GLIS3: variants seen among roughly 807,000 people sequenced by gnomAD.
GLIS3 encodes the protein zinc finger protein GLIS3.
In GLIS3, 53 loss-of-function variants were observed where a neutral mutation model predicts 78.6. That is an observed-to-expected ratio of 0.67 (90% CI 0.54 to 0.85). The LOEUF is 0.85. GLIS3 is among the 40% of genes least tolerant of loss of function. The probability of loss-of-function intolerance (pLI) is 0.00; values close to 1 mark genes in which losing one functional copy is unlikely to be tolerated. For synonymous variants in GLIS3, 684 were observed against 509.9 expected (o/e 1.34, Z -4.60); for missense variants, 1,703 against 1,231.1 (o/e 1.38, Z -5.74).
intron 4 of GLIS3, among the ~76,000 whole-genome samples, chr9:4,003,667 G>A (rs1197439495): frequency 6.6e-6 from 1 of 152,170 alleles, no homozygotes; most frequent in African/African-American, 2.4e-5. Context: ...GTAGCTCAAA[G>A]AATTGCTAAA....
intron 4 of GLIS3, among the ~76,000 whole-genome samples, chr9:4,053,400 C>G (rs74872476): frequency 1.3e-5 from 2 of 152,076 alleles, no homozygotes; most frequent in African/African-American, 4.8e-5. Context: ...CTCCTCCCAC[C>G]CCAGGCACTT....
At chr9:4,474,725 C>G in the GLIS3 span, among the ~76,000 whole-genome samples, 1 of 119,336 alleles carries the variant, frequency 8.4e-6, no homozygotes, top group Non-Finnish European at 1.7e-5. Flanking sequence ...GAGATGGCGT[C>G]TTGTTCTGTC....
chr9:4,039,177 G>A (rs1407265863), intron 4 of GLIS3, among the ~76,000 whole-genome samples: 1 of 152,156 alleles, frequency 6.6e-6, no homozygotes, highest in Non-Finnish European at 1.5e-5. Context: ...ATTTCATATG[G>A]AATTTAATAG....
intron 4 of GLIS3, among the ~76,000 whole-genome samples, chr9:4,078,400 A>G (rs1828260050): frequency 7.9e-6 from 1 of 126,574 alleles, no homozygotes; most frequent in Non-Finnish European, 1.8e-5. Context: ...TTGTCTGACA[A>G]TTTCTGATCT....
intron 1 of GLIS3, among the ~76,000 whole-genome samples, chr9:4,296,210 A>G (rs752373586): frequency 1.3e-5 from 2 of 151,988 alleles, no homozygotes; most frequent in Non-Finnish European, 2.9e-5. Context: ...CCAAAGATCA[A>G]TAATTATAAT....
chr9:4,460,913 G>C, the GLIS3 span, among the ~76,000 whole-genome samples: 3 of 152,126 alleles, frequency 2.0e-5, no homozygotes, highest in Non-Finnish European at 4.4e-5. Flanking sequence ...ACTTAAGGAG[G>C]CTTATTAATT....
chr9:3,980,939 T>TC, intron 4 of GLIS3, among the ~76,000 whole-genome samples: 1 of 152,286 alleles, frequency 6.6e-6, no homozygotes, highest in Middle Eastern at 3.4e-3. Flanking sequence ...TACTACACGG[T>TC]TTCTCTCGAC....
chr9:4,352,083 G>A (rs1446359511), upstream of GLIS3, among the ~76,000 whole-genome samples: 2 of 152,200 alleles, frequency 1.3e-5, no homozygotes, highest in African/African-American at 2.4e-5. Flanking sequence ...CAGTGTTCGT[G>A]AAGACAGACT....
the GLIS3 span, among the ~76,000 whole-genome samples, chr9:4,469,060 G>C: frequency 2.8e-4 from 43 of 152,122 alleles, no homozygotes; most frequent in Non-Finnish European, 4.3e-4. Flanking sequence ...TAATGGTAAA[G>C]GGATCAATTC....
chr9:3,871,926 A>C (rs1820995227), intron 8 of GLIS3, among the ~76,000 whole-genome samples: 1 of 152,224 alleles, frequency 6.6e-6, no homozygotes, highest in Admixed American at 6.5e-5. Context: ...CAAATTTTTC[A>C]AACTTCTATG....
At chr9:4,019,624 C>A (rs1282472114) in intron 4 of GLIS3, among the ~76,000 whole-genome samples, 2 of 152,182 alleles carry the variant, frequency 1.3e-5, no homozygotes, top group South Asian at 4.2e-4. Context: ...TAGCATGCTA[C>A]ACACAGATAA....
the GLIS3 span, among the ~76,000 whole-genome samples, chr9:4,393,366 TA>T: frequency 6.6e-6 from 1 of 152,122 alleles, no homozygotes; most frequent in Non-Finnish European, 1.5e-5. Context: ...TTACTTTTTT[TA>T]AAAAAATGAT....
chr9:4,250,929 A>C (rs1314228260), intron 2 of GLIS3, among the ~76,000 whole-genome samples: 1 of 151,894 alleles, frequency 6.6e-6, no homozygotes, highest in Non-Finnish European at 1.5e-5. Flanking sequence ...GTTTTGAGTG[A>C]GTTTCTTAAT....
chr9:4,248,307 C>A (rs1824002985), intron 2 of GLIS3, among the ~76,000 whole-genome samples: 1 of 152,030 alleles, frequency 6.6e-6, no homozygotes, highest in African/African-American at 2.4e-5. Flanking sequence ...TCTCATTGTT[C>A]AACTCCCACT....
At chr9:4,170,439 G>A (rs764422331) in intron 2 of GLIS3, among the ~76,000 whole-genome samples, 7 of 152,116 alleles carry the variant, frequency 4.6e-5, no homozygotes, top group Non-Finnish European at 7.4e-5. Context: ...CAGCAACTAA[G>A]ACATGGCACA....
the GLIS3 span, among the ~76,000 whole-genome samples, chr9:4,391,307 A>G: frequency 6.6e-6 from 1 of 152,100 alleles, no homozygotes; most frequent in Non-Finnish European, 1.5e-5. Flanking sequence ...GAGACCATCT[A>G]ATTTTTCTGT....
intron 2 of GLIS3, among the ~76,000 whole-genome samples, chr9:4,207,028 T>C (rs1048199474): frequency 5.9e-5 from 9 of 152,188 alleles, no homozygotes; most frequent in African/African-American, 2.2e-4. Context: ...CAAAGACAAC[T>C]TGCCCTTTTA....
At chr9:4,184,849 C>T (rs1274341006) in intron 2 of GLIS3, among the ~76,000 whole-genome samples, 1 of 151,380 alleles carries the variant, frequency 6.6e-6, no homozygotes, top group Non-Finnish European at 1.5e-5. Flanking sequence ...GTCAACATTA[C>T]GTAGCAAAAA....
the GLIS3 span, among the ~76,000 whole-genome samples, chr9:4,403,736 AAAGC>A: frequency 6.6e-6 from 1 of 152,200 alleles, no homozygotes; most frequent in South Asian, 2.1e-4. Context: ...CACAAAATAA[AAAGC>A]AAGAAATTAA....
Sources: allele counts gnomAD v4.1 joint callset (sites outside exome capture counted in the v4.1 genomes callset), GRCh38; gene constraint gnomAD v4.1.1; transcripts MANE v1.5; gene names NCBI Gene and HGNC (gene_info 2026-07-23, HGNC 2026-07-21).